CNGA4: variants seen among roughly 807,000 people sequenced by gnomAD.
CNGA4 encodes cyclic nucleotide-gated channel alpha-4.
A neutral mutation model predicts 45.6 loss-of-function variants in CNGA4; 32 were observed. The observed-to-expected ratio is 0.70, with a 90% CI of 0.53 to 0.94. The LOEUF is 0.94. CNGA4 is among the 40% of genes least tolerant of loss of function. The pLI is 0.00. For missense variants in CNGA4, 726 were observed against 755.1 expected, an observed-to-expected ratio of 0.96 and a Z score of 0.45; for synonymous variants, 293 against 304.6, an observed-to-expected ratio of 0.96 and a Z score of 0.40.
chr11:6,242,058 G>A lies in CNGA4; in HGVS notation c.1267+278G>A, dbSNP rs535393203. On this transcript the variant is annotated intron_variant, in intron 5 of 5. Transcript: ENST00000379936. ...CACCTGAAGCACCAATAGACTAGTG[G>A]ACAGTGATAGAGATAATAATAATAA... 21 of 518,220 alleles carry A rather than the reference G, an allele frequency of 4.1e-5. No homozygotes were observed. In the East Asian group the frequency reaches 5.6e-4, roughly 14 times the overall value. The allele number at this position is 518,220 out of a possible 1,614,324, so 32.1% of individuals were successfully genotyped here. A position where few individuals can be genotyped will look rare whatever the true frequency, so the allele number is the denominator to read the frequency against.
Position 6,241,547 on chromosome 11 carries a change from G to C in CNGA4, c.1034G>C (p.Arg345Pro), listed in dbSNP as rs61740240. 6.2e-7 allele frequency: 1 copy of C among 1,614,192 alleles called. No homozygotes were observed. Among genetic ancestry groups the C allele is most frequent in the South Asian group, 1.1e-5 (1 of 91,082 alleles). ...TCTGTGCACCTGTCCACTCTGAGCC[G>C]GGTGCAGATCTTTCAGAACTGTGAG... The part of the protein sequence containing the change: ...AVSVHLSTLS[R>P]VQIFQNCEAS... The change falls in exon 5 of 6, where the codon CGG becomes CCG. Residue 345 changes from arginine (R) to proline (P), a missense_variant. Physicochemically the swap from Arg to Pro is moderately radical, Grantham distance 103. Transcript: ENST00000379936.
At chr11:6,238,730 G>C (rs542954714), upstream of CNGA4, among the ~76,000 whole-genome samples, 82 of 152,364 alleles carry the variant, frequency 5.4e-4, no homozygotes, top group African/African-American at 1.8e-3. Context: ...ACCTGACATA[G>C]ATAAGCCATT....
At position 6,240,794 on chromosome 11, in the gene CNGA4, G is replaced by A; in HGVS notation, c.917+83G>A. On this transcript the variant is annotated intron_variant, in intron 4 of 5. Coordinates refer to ENST00000379936, the MANE Select transcript of CNGA4 (RefSeq NM_001037329.4). The surrounding 1 kb of genome is among the most constrained non-coding windows in gnomAD (Gnocchi z 4.9). ...GGAGGTAACTGGGTCCTTAGTGCCT[G>A]GTGAGCCAGGCAAGGCTGTCAAAAT... 6.6e-7 allele frequency: 1 copy of A among 1,504,640 alleles called. No homozygotes were observed. Among genetic ancestry groups the A allele is most frequent in the Non-Finnish European group, 9.0e-7 (1 of 1,107,664 alleles). 93.2% of individuals were successfully genotyped at this position (1,504,640 alleles called of 1,614,324 possible). A position where few individuals can be genotyped will look rare whatever the true frequency, so the allele number is the denominator to read the frequency against.
chr11:6,235,462 G>A, upstream of CNGA4: 1 of 985,204 alleles, frequency 1.0e-6, no homozygotes, highest in Non-Finnish European at 1.2e-6. Context: ...ATTACTACGG[G>A]GGCCACCTAG....
At chr11:6,236,697 T>C (rs1304940327), upstream of CNGA4, among the ~76,000 whole-genome samples, 1 of 152,212 alleles carries the variant, frequency 6.6e-6, no homozygotes, top group Non-Finnish European at 1.5e-5. Flanking sequence ...TATATGGGTG[T>C]GTTCACTTTG....
rs746311816 is a variant in CNGA4, at chr11:6,240,005, C to G, written c.272-61C>G. The stretch of plus-strand genomic sequence containing the variant: ...AGTCTCCCTGGCCTGCCCTGGGCAG[C>G]TCATGCTCAGCCCAAGCTTGACTAC... On this transcript the variant is annotated intron_variant, in intron 3 of 5. Transcript: ENST00000379936. This position sits in a 1 kb window ranked among gnomAD's most constrained non-coding sequence, Gnocchi z 4.9. 2 of 1,545,542 alleles carry G rather than the reference C, an allele frequency of 1.3e-6. No homozygotes were observed. The highest frequency in any genetic ancestry group is 1.8e-6 in the Non-Finnish European group (2 of 1,141,736).
intron 5 of CNGA4, among the ~76,000 whole-genome samples, chr11:6,242,765 G>T (rs562141170): frequency 6.6e-6 from 1 of 152,300 alleles, no homozygotes; most frequent in Non-Finnish European, 1.5e-5. Flanking sequence ...CCAGCGCAGT[G>T]CTTGGCATAC....
In CNGA4 at chr11:6,244,434, C is replaced by T; in HGVS notation, c.*25C>T. On this transcript the variant is annotated 3_prime_UTR_variant, in exon 6 of 6. Transcript: ENST00000379936. This position sits in a 1 kb window ranked among gnomAD's most constrained non-coding sequence, Gnocchi z 4.5. ...ACCCCATCCCCATCCCCAGGATTCC[C>T]ACCTCCTAGTGAATCCAGAGTTGTA... The T allele has an allele frequency of 6.3e-7, 1 of 1,577,258 alleles. No homozygotes were observed. The highest frequency in any genetic ancestry group is 1.8e-5 in the Admixed American group (1 of 54,874).
upstream of CNGA4, chr11:6,235,627 G>C: frequency 3.6e-6 from 3 of 839,056 alleles, no homozygotes; most frequent in Non-Finnish European, 2.9e-6. Context: ...AGAAGTTTCA[G>C]ATAAGGCATG....
chr11:6,241,409 A>G (rs1364254306), intron 4 of CNGA4, 22 bp from the exon 5 acceptor site: 2 of 1,546,176 alleles, frequency 1.3e-6, no homozygotes, highest in East Asian at 2.3e-5. Flanking sequence ...TGGTAAGGAA[A>G]TGGCACTGTC....
Position 6,240,539 on chromosome 11 carries a change from G to A in CNGA4, c.745G>A (p.Gly249Ser), listed in dbSNP as rs773195199. 2 of 1,614,222 alleles carry A rather than the reference G, an allele frequency of 1.2e-6. No individual in the cohort carries two copies. Among genetic ancestry groups the A allele is most frequent in the Admixed American group, 3.3e-5 (2 of 60,030 alleles). ...GGAAGAAGAGTACCTCTTCATGGTG[G>A]GCGACTTCCTGCTGGCCGTCATGGG... is the stretch of plus-strand genomic sequence containing the variant. ...AREEEYLFMV[G>S]DFLLAVMGFA... The change falls in exon 4 of 6, where the codon GGC (glycine) becomes AGC (serine). Residue 249 changes from glycine (G) to serine (S), a missense_variant. By Grantham distance (56) the Gly-to-Ser change is moderately conservative. Coordinates refer to ENST00000379936, the MANE Select transcript of CNGA4 (RefSeq NM_001037329.4). This position sits in a 1 kb window ranked among gnomAD's most constrained non-coding sequence, Gnocchi z 4.9.
At chr11:6,235,716 G>A (rs1847824143), upstream of CNGA4, among the ~76,000 whole-genome samples, 1 of 152,132 alleles carries the variant, frequency 6.6e-6, no homozygotes, top group Non-Finnish European at 1.5e-5. Flanking sequence ...CGAGGCGGGC[G>A]GATCACGAGG....
chr11:6,239,911 C>A (rs986229009), intron 3 of CNGA4, 121 bp downstream of exon 3: 62 of 1,332,686 alleles, frequency 4.7e-5, no homozygotes, highest in African/African-American at 4.4e-4. Context: ...CTATGCCTGA[C>A]AGCATCCCAG....
Position 6,240,323 on chromosome 11 carries a change from T to G in CNGA4, c.529T>G (p.Phe177Val), listed in dbSNP as rs1252238619. 1 of 1,614,220 alleles carries G rather than the reference T, an allele frequency of 6.2e-7. No individual in the cohort carries two copies. The highest frequency in any genetic ancestry group is 8.5e-7 in the Non-Finnish European group (1 of 1,180,038). The change falls in exon 4 of 6, where the codon TTT becomes GTT. Residue 177 changes from phenylalanine (F) to valine (V), a missense_variant. Physicochemically the swap from Phe to Val is conservative, Grantham distance 50 (BLOSUM62 -1). Transcript: ENST00000379936. The surrounding 1 kb of genome is among the most constrained non-coding windows in gnomAD (Gnocchi z 4.9). ...CATTGCCAAGCTGATGCTTTACATT[T>G]TTGTCGTCATCCATTGGAACAGCTG... Reference protein sequence around the residue: ...FRIAKLMLYIFVVIHWNSCLY... With the variant: ...FRIAKLMLYIVVVIHWNSCLY...
intron 3 of CNGA4, 86 bp downstream of exon 3, chr11:6,239,876 A>C: frequency 4.2e-6 from 6 of 1,421,414 alleles, no homozygotes. Flanking sequence ...AGGCACCCCC[A>C]CCGTGGTAGC....
intron 5 of CNGA4, chr11:6,242,083 A>G: frequency 2.3e-6 from 1 of 442,652 alleles, no homozygotes. Context: ...AATAATAATA[A>G]TAATAGCTAA....
chr11:6,240,896 G>C lies in CNGA4; in HGVS notation c.917+185G>C, dbSNP rs1286055798. Among the ~76,000 whole-genome samples, 1 of 152,136 alleles carries C rather than the reference G, an allele frequency of 6.6e-6. No homozygotes were observed. Among genetic ancestry groups the C allele is most frequent in the Non-Finnish European group, 1.5e-5 (1 of 68,030 alleles). ...TTTCAACTGAGGGAATCAGGACTTGGGGGAGGGGTAGGTAAGAGACTGATA... is the reference window on the plus strand; with the variant it reads ...TTTCAACTGAGGGAATCAGGACTTGCGGGAGGGGTAGGTAAGAGACTGATA... On this transcript the variant is annotated intron_variant, in intron 4 of 5. Transcript: ENST00000379936. This position sits in a 1 kb window ranked among gnomAD's most constrained non-coding sequence, Gnocchi z 4.9.
At position 6,244,132 on chromosome 11, in the gene CNGA4, C is replaced by T; in HGVS notation, c.1451C>T (p.Ala484Val). The change falls in exon 6 of 6, where the codon GCA becomes GTA. Residue 484 changes from alanine (A) to valine (V), a missense_variant. Physicochemically the swap from Ala to Val is moderately conservative, Grantham distance 64. Coordinates refer to ENST00000379936, the MANE Select transcript of CNGA4 (RefSeq NM_001037329.4). This position sits in a 1 kb window ranked among gnomAD's most constrained non-coding sequence, Gnocchi z 4.5. The part of the protein sequence containing the change: ...KMNKLDVNAE[A>V]AEIALQEATE... ...AACAAGTTGGACGTGAATGCTGAGG[C>T]AGCTGAGATCGCCCTGCAGGAGGCC... is the stretch of plus-strand genomic sequence containing the variant. 6.2e-7 allele frequency: 1 copy of T among 1,614,226 alleles called. No individual in the cohort carries two copies. Among genetic ancestry groups the T allele is most frequent in the Non-Finnish European group, 8.5e-7 (1 of 1,180,044 alleles).
At chr11:6,242,673 T>C (rs1407210426) in intron 5 of CNGA4, among the ~76,000 whole-genome samples, 3 of 152,152 alleles carry the variant, frequency 2.0e-5, no homozygotes, top group African/African-American at 7.2e-5. Flanking sequence ...TAGGCCTCAG[T>C]TTAATCACCT....
Sources: gnomAD v4.1 joint callset for allele counts (sites outside exome capture counted in the v4.1 genomes callset) on GRCh38, gnomAD v4.1.1 for gene constraint, Gnocchi (gnomAD v3.1) non-coding constraint, MANE v1.5 for transcripts, NCBI Gene and HGNC (gene_info 2026-07-23, HGNC 2026-07-21) for gene names.